The following MARCHF1 variants were observed in gnomAD, a reference collection of about 807,000 sequenced individuals.
MARCHF1 encodes the protein membrane associated ring-CH-type finger 1.
In MARCHF1, 40 loss-of-function variants were observed where a neutral mutation model predicts 54.2. That is an observed-to-expected ratio of 0.74 (90% CI 0.57 to 0.96). The LOEUF is 0.96. MARCHF1 is among the 40% of genes least tolerant of loss of function. MARCHF1 has a pLI of 0.00. For missense variants in MARCHF1, 586 were observed against 656.5 expected, an observed-to-expected ratio of 0.89 and a Z score of 1.17; for synonymous variants, 236 against 236.3, an observed-to-expected ratio of 1.00 and a Z score of 0.01.
At chr4:163,936,232 A>G (rs185621697) in intron 3 of MARCHF1, among the ~76,000 whole-genome samples, 1 of 152,280 alleles carries the variant, frequency 6.6e-6, no homozygotes, top group Admixed American at 6.5e-5. Context: ...TACCAAATAT[A>G]ATAATGATGA....
chr4:163,787,724 G>A (rs1351426603), intron 4 of MARCHF1, among the ~76,000 whole-genome samples: 1 of 151,918 alleles, frequency 6.6e-6, no homozygotes, highest in African/African-American at 2.4e-5. Flanking sequence ...CCCACTTGCA[G>A]GTATACATCC....
At chr4:163,999,290 TG>T (rs1419466679) in intron 2 of MARCHF1, among the ~76,000 whole-genome samples, 1 of 151,646 alleles carries the variant, frequency 6.6e-6, no homozygotes, top group Non-Finnish European at 1.5e-5. Flanking sequence ...GTACATGGCT[TG>T]TCAAAGAAAA....
intron 1 of MARCHF1, among the ~76,000 whole-genome samples, chr4:164,317,669 A>C (rs778650724): frequency 6.6e-6 from 1 of 152,172 alleles, no homozygotes; most frequent in Non-Finnish European, 1.5e-5. Context: ...TACTCAAGAA[A>C]ACGGAGTGAG....
At chr4:163,778,942 C>A (rs1043359280) in intron 4 of MARCHF1, among the ~76,000 whole-genome samples, 1 of 152,086 alleles carries the variant, frequency 6.6e-6, no homozygotes, top group Non-Finnish European at 1.5e-5. Context: ...GAAATTTGTG[C>A]AAGCAACGAA....
At chr4:164,234,408 T>G (rs1732492398) in intron 1 of MARCHF1, among the ~76,000 whole-genome samples, 1 of 152,094 alleles carries the variant, frequency 6.6e-6, no homozygotes, top group Non-Finnish European at 1.5e-5. Flanking sequence ...ATTTTTAAAA[T>G]AAGACATGGC....
chr4:163,556,661 C>T (rs1365099130), intron 8 of MARCHF1, among the ~76,000 whole-genome samples: 1 of 151,504 alleles, frequency 6.6e-6, no homozygotes, highest in African/African-American at 2.4e-5. Context: ...TACATATATT[C>T]TACTCCAGTT....
At chr4:163,822,479 C>T (rs557527265) in intron 4 of MARCHF1, among the ~76,000 whole-genome samples, 1 of 151,938 alleles carries the variant, frequency 6.6e-6, no homozygotes, top group Non-Finnish European at 1.5e-5. Context: ...TGACTCCTTC[C>T]TCTGGAAAAG....
chr4:164,178,001 C>A (rs1730735992), intron 1 of MARCHF1, among the ~76,000 whole-genome samples: 1 of 152,152 alleles, frequency 6.6e-6, no homozygotes, highest in Non-Finnish European at 1.5e-5. Context: ...GACAGAATGT[C>A]ACTGAAATAT....
At chr4:163,995,703 G>T (rs185761364) in intron 2 of MARCHF1, among the ~76,000 whole-genome samples, 45 of 152,092 alleles carry the variant, frequency 3.0e-4, no homozygotes, top group Admixed American at 9.2e-4. Context: ...TGGCAACATG[G>T]AATTTTATAT....
At chr4:163,706,174 C>T (rs986036154) in intron 4 of MARCHF1, among the ~76,000 whole-genome samples, 1 of 152,056 alleles carries the variant, frequency 6.6e-6, no homozygotes, top group African/African-American at 2.4e-5. Flanking sequence ...TGTCAGTTTC[C>T]TGACTGTCAC....
intron 1 of MARCHF1, among the ~76,000 whole-genome samples, chr4:164,186,367 A>C (rs1257096033): frequency 1.3e-5 from 2 of 152,250 alleles, no homozygotes; most frequent in Non-Finnish European, 1.5e-5. Flanking sequence ...CAAAGAATTG[A>C]TATCATTTAG....
chr4:163,644,642 C>T (rs1742684718), intron 5 of MARCHF1, among the ~76,000 whole-genome samples: 1 of 152,122 alleles, frequency 6.6e-6, no homozygotes, highest in African/African-American at 2.4e-5. Context: ...GAAGCATAGC[C>T]ATCCATGTTC....
At chr4:163,878,634 G>T (rs1750344343) in intron 3 of MARCHF1, among the ~76,000 whole-genome samples, 1 of 152,076 alleles carries the variant, frequency 6.6e-6, no homozygotes, top group African/African-American at 2.4e-5. Flanking sequence ...CTCTTGGATG[G>T]TGAGAAGGAA....
At chr4:163,788,211 T>G (rs1164237555) in intron 4 of MARCHF1, among the ~76,000 whole-genome samples, 1 of 151,966 alleles carries the variant, frequency 6.6e-6, no homozygotes, top group Non-Finnish European at 1.5e-5. Flanking sequence ...ACAAATTTAA[T>G]ATCATATATG....
intron 1 of MARCHF1, among the ~76,000 whole-genome samples, chr4:164,317,679 G>C (rs1735035493): frequency 6.6e-6 from 1 of 152,140 alleles, no homozygotes; most frequent in Non-Finnish European, 1.5e-5. Context: ...AACGGAGTGA[G>C]TATTGGGAGA....
chr4:163,827,847 C>A (rs1412006574), intron 4 of MARCHF1, among the ~76,000 whole-genome samples: 1 of 152,030 alleles, frequency 6.6e-6, no homozygotes, highest in South Asian at 2.1e-4. Flanking sequence ...CTTTCTTTTT[C>A]TTGACGGGAA....
At chr4:163,624,021 G>A (rs1438177276) in intron 5 of MARCHF1, among the ~76,000 whole-genome samples, 4 of 152,164 alleles carry the variant, frequency 2.6e-5, no homozygotes, top group Admixed American at 2.6e-4. Context: ...ATAATACCTC[G>A]TGAACCGTAA....
chr4:163,871,839 C>T (rs938916549), intron 3 of MARCHF1, among the ~76,000 whole-genome samples: 3 of 152,040 alleles, frequency 2.0e-5, no homozygotes, highest in East Asian at 1.9e-4. Context: ...TCCTAGTTAA[C>T]GAGTATTCCA....
intron 4 of MARCHF1, among the ~76,000 whole-genome samples, chr4:163,713,191 T>A (rs1487489027): frequency 1.3e-5 from 2 of 152,048 alleles, no homozygotes; most frequent in East Asian, 3.9e-4. Context: ...GGAAAAATAG[T>A]AGAAGGTAGG....
Sources: allele counts gnomAD v4.1 joint callset (sites outside exome capture counted in the v4.1 genomes callset), GRCh38; gene constraint gnomAD v4.1.1; transcripts MANE v1.5; gene names NCBI Gene and HGNC (gene_info 2026-07-23, HGNC 2026-07-21).